The following NTRK2 variants were observed in gnomAD, a reference collection of about 807,000 sequenced individuals.
NTRK2 encodes BDNF/NT-3 growth factors receptor.
NTRK2 carries 13 observed loss-of-function variants against 94.5 expected under a neutral mutation model. The ratio of observed to expected loss-of-function variants is 0.14; its 90% confidence interval spans 0.09 to 0.22. The LOEUF (loss-of-function observed/expected upper bound fraction) is 0.22, where lower values mean the gene tolerates loss of function less well. NTRK2 is among the 10% of genes least tolerant of loss of function. The pLI, the probability that NTRK2 is intolerant of heterozygous loss-of-function variation, is 1.00. For synonymous variants in NTRK2, 372 were observed against 407.4 expected (o/e 0.91, Z 1.05); for missense variants, 639 against 1,071.2 (o/e 0.60, Z 5.63).
At chr9:84,894,077 C>A (rs1398743383) in intron 14 of NTRK2, among the ~76,000 whole-genome samples, 1 of 150,810 alleles carries the variant, frequency 6.6e-6, no homozygotes, top group Non-Finnish European at 1.5e-5. Flanking sequence ...TGTTATTTGG[C>A]TAAATGAAAA....
intron 17 of NTRK2, among the ~76,000 whole-genome samples, chr9:84,981,670 C>G (rs1827641473): frequency 6.6e-6 from 1 of 151,956 alleles, no homozygotes; most frequent in Non-Finnish European, 1.5e-5. Context: ...TTCTTGTTCC[C>G]CATTAAGTGG....
intron 14 of NTRK2, among the ~76,000 whole-genome samples, chr9:84,921,345 A>C (rs1394646029): frequency 6.6e-6 from 1 of 152,254 alleles, no homozygotes; most frequent in East Asian, 1.9e-4. Flanking sequence ...ACAAGTCCTT[A>C]TCTCAAGACA....
intron 17 of NTRK2, among the ~76,000 whole-genome samples, chr9:84,984,588 G>A (rs998156847): frequency 5.3e-5 from 8 of 152,182 alleles, no homozygotes; most frequent in African/African-American, 1.9e-4. Flanking sequence ...CAAGTCTCTC[G>A]AATCCTCAGA....
chr9:85,002,403 A>G (rs1307295806), intron 17 of NTRK2, among the ~76,000 whole-genome samples: 1 of 152,182 alleles, frequency 6.6e-6, no homozygotes, highest in Non-Finnish European at 1.5e-5. Context: ...GAAGCTTCCC[A>G]GGTGCTGTGG....
At chr9:84,783,385 G>A (rs1397416398) in intron 12 of NTRK2, among the ~76,000 whole-genome samples, 1 of 152,200 alleles carries the variant, frequency 6.6e-6, no homozygotes, top group Non-Finnish European at 1.5e-5. Flanking sequence ...ACTTGGCTCT[G>A]AATAATTCTC....
chr9:84,814,942 C>T, intron 12 of NTRK2: 3 of 1,059,908 alleles, frequency 2.8e-6, no homozygotes, highest in African/African-American at 1.6e-5. Flanking sequence ...GCCTGTAGTA[C>T]CTGCAAACCA....
intron 6 of NTRK2, among the ~76,000 whole-genome samples, chr9:84,712,588 G>A (rs776567155): frequency 2.6e-5 from 4 of 152,024 alleles, no homozygotes; most frequent in Non-Finnish European, 5.9e-5. Flanking sequence ...CAAGTGAATC[G>A]ACAGACTTAT....
rs1346981375 is a variant in NTRK2 at position 84,669,821 on chromosome 9, T to C, written c.-440T>C. The stretch of plus-strand genomic sequence containing the variant: ...GCTGCTTCGCTCGCGCTCTACGCGC[T>C]CAGTCCCCGGCGGTAGCAGGAGCCT... On this transcript the variant is annotated 5_prime_UTR_variant, in exon 1 of 19. Transcript: ENST00000277120. The surrounding 1 kb of genome is among the most constrained non-coding windows in gnomAD (Gnocchi z 4.1). 1.3e-5 allele frequency: 2 copies of C among 152,574 alleles called. No homozygotes were observed. The highest frequency in any genetic ancestry group is 2.9e-5 in the Non-Finnish European group (2 of 68,158). The allele number at this position is 152,574 out of a possible 1,614,324, so 9.5% of individuals were successfully genotyped here.
chr9:84,823,627 C>CT (rs1348202709), intron 12 of NTRK2, among the ~76,000 whole-genome samples: 1 of 152,208 alleles, frequency 6.6e-6, no homozygotes, highest in Non-Finnish European at 1.5e-5. Context: ...CAGGATAGGG[C>CT]TGCCCCTAGC....
chr9:84,989,724 C>T (rs1240707880), intron 17 of NTRK2, among the ~76,000 whole-genome samples: 1 of 152,214 alleles, frequency 6.6e-6, no homozygotes, highest in Admixed American at 6.5e-5. Context: ...CTTCCGACTC[C>T]TTGTCCAGTG....
At chr9:84,716,114 A>C (rs2061695982) in intron 6 of NTRK2, among the ~76,000 whole-genome samples, 1 of 152,176 alleles carries the variant, frequency 6.6e-6, no homozygotes, top group Non-Finnish European at 1.5e-5. Context: ...AGTGAATATA[A>C]GGTGGCAATT....
chr9:84,913,302 A>G (rs1478529439), intron 14 of NTRK2, among the ~76,000 whole-genome samples: 2 of 152,104 alleles, frequency 1.3e-5, no homozygotes, highest in East Asian at 3.9e-4. Flanking sequence ...TGTTTTTGAC[A>G]TGTTACCAGT....
At chr9:84,950,591 GTTTTT>G (rs5898875) in intron 16 of NTRK2, among the ~76,000 whole-genome samples, 1 of 150,832 alleles carries the variant, frequency 6.6e-6, no homozygotes, top group Non-Finnish European at 1.5e-5. Context: ...GGTCTAATAT[GTTTTT>G]TTTTTTTTTA....
intron 17 of NTRK2, among the ~76,000 whole-genome samples, chr9:84,976,937 G>T (rs968421459): frequency 1.3e-5 from 2 of 152,320 alleles, no homozygotes; most frequent in East Asian, 3.9e-4. Context: ...CTTGCTTCCT[G>T]TGTGTATATG....
At chr9:84,966,138 A>C (rs1346472613) in intron 17 of NTRK2, among the ~76,000 whole-genome samples, 4 of 152,230 alleles carry the variant, frequency 2.6e-5, no homozygotes, top group Non-Finnish European at 5.9e-5. Flanking sequence ...TATCAAACAT[A>C]AAATAGCTTG....
chr9:85,024,360 C>T lies in NTRK2; in HGVS notation c.*2923C>T, dbSNP rs918565826. The T allele has an allele frequency of 4.3e-6, 1 of 232,974 alleles. No homozygotes were observed. Among genetic ancestry groups the T allele is most frequent in the Admixed American group, 5.6e-5 (1 of 17,776 alleles). 14.4% of individuals were successfully genotyped at this position (232,974 alleles called of 1,614,324 possible). Reference sequence around the variant, plus strand: ...TCCATCAAATTTGTGAAAACTACAACAGTATAACAGTGACAAACCTAATTC... The same window carrying T: ...TCCATCAAATTTGTGAAAACTACAATAGTATAACAGTGACAAACCTAATTC... On this transcript the variant is annotated 3_prime_UTR_variant, in exon 19 of 19. Coordinates refer to ENST00000277120, the MANE Select transcript of NTRK2 (RefSeq NM_006180.6).
At position 85,023,915 on chromosome 9, in the gene NTRK2, A is replaced by T. The variant is rs992674234; in HGVS notation, c.*2478A>T. 2 of 229,954 alleles carry T rather than the reference A, an allele frequency of 8.7e-6. No individual in the cohort carries two copies. Among genetic ancestry groups the T allele is most frequent in the African/African-American group, 4.4e-5 (2 of 45,164 alleles). The allele number at this position is 229,954 out of a possible 1,614,324, so 14.2% of individuals were successfully genotyped here. A position where few individuals can be genotyped will look rare whatever the true frequency, so the allele number is the denominator to read the frequency against. On this transcript the variant is annotated 3_prime_UTR_variant, in exon 19 of 19. Transcript: ENST00000277120. ...ATTTAAGGGATCAAATTCAAGGAGG[A>T]ATGTGCAATTTTAGAGCAAAGATTT...
chr9:84,842,904 A>T (rs1346353396), intron 12 of NTRK2, among the ~76,000 whole-genome samples: 2 of 152,218 alleles, frequency 1.3e-5, no homozygotes, highest in Non-Finnish European at 2.9e-5. Flanking sequence ...CTCTAAGGAG[A>T]GGAATGAGGC....
intron 14 of NTRK2, among the ~76,000 whole-genome samples, chr9:84,868,315 A>G (rs2075688562): frequency 6.6e-6 from 1 of 152,192 alleles, no homozygotes; most frequent in African/African-American, 2.4e-5. Context: ...GAGGTAAGGT[A>G]GAGGATTACT....
Sources: allele counts gnomAD v4.1 joint callset (sites outside exome capture counted in the v4.1 genomes callset), GRCh38; gene constraint gnomAD v4.1.1; non-coding constraint Gnocchi (gnomAD v3.1); transcripts MANE v1.5; gene names NCBI Gene and HGNC (gene_info 2026-07-23, HGNC 2026-07-21).